Variants in KSR2 observed in about 807,000 individuals in gnomAD.
KSR2 encodes kinase suppressor of ras 2.
In KSR2, 25 loss-of-function variants were observed where a neutral mutation model predicts 107.8. The observed-to-expected ratio is 0.23, with a 90% CI of 0.17 to 0.32. The LOEUF (loss-of-function observed/expected upper bound fraction) is 0.32. Ranked by LOEUF, KSR2 falls within the 10% of genes least tolerant of loss-of-function variation. The probability of loss-of-function intolerance (pLI) is 1.00; values close to 1 mark genes in which losing one functional copy is unlikely to be tolerated. For synonymous variants in KSR2, 480 were observed against 507.0 expected, an observed-to-expected ratio of 0.95 and a Z score of 0.71; for missense variants, 887 against 1,268.9, an observed-to-expected ratio of 0.70 and a Z score of 4.57.
At chr12:117,626,117 G>A (rs140147721) in intron 5 of KSR2, among the ~76,000 whole-genome samples, 16,116 of 151,934 alleles carry the variant, frequency 0.11, 936 homozygotes, top group Admixed American at 0.16. Context: ...AGTCTTGCTA[G>A]CAGTCTATCT....
chr12:117,699,097 C>T (rs775105254), intron 4 of KSR2, among the ~76,000 whole-genome samples: 6 of 152,198 alleles, frequency 3.9e-5, no homozygotes, highest in Non-Finnish European at 7.3e-5. Flanking sequence ...GACATTTTGT[C>T]TATTCATTGG....
At chr12:117,503,527 C>T (rs1873506057) in intron 14 of KSR2, among the ~76,000 whole-genome samples, 1 of 152,164 alleles carries the variant, frequency 6.6e-6, no homozygotes, top group South Asian at 2.1e-4. Flanking sequence ...GATATGCAGA[C>T]CCACTAGATC....
At chr12:117,526,507 G>A (rs894569432) in intron 13 of KSR2, among the ~76,000 whole-genome samples, 16 of 152,244 alleles carry the variant, frequency 1.1e-4, no homozygotes, top group Non-Finnish European at 1.9e-4. Flanking sequence ...GATTTCTCCC[G>A]GGATCATTTT....
At chr12:117,482,078 C>T (rs780167992) in intron 16 of KSR2, among the ~76,000 whole-genome samples, 3 of 152,090 alleles carry the variant, frequency 2.0e-5, no homozygotes, top group Non-Finnish European at 4.4e-5. Flanking sequence ...TAGTTTGCAA[C>T]GCACTTGCTT....
chr12:117,645,318 C>T (rs765298170), intron 5 of KSR2, among the ~76,000 whole-genome samples: 1 of 152,018 alleles, frequency 6.6e-6, no homozygotes, highest in Non-Finnish European at 1.5e-5. Flanking sequence ...GTACATGAAC[C>T]ATCATGTTCA....
chr12:117,685,216 C>A (rs937646877), intron 4 of KSR2, among the ~76,000 whole-genome samples: 3 of 152,224 alleles, frequency 2.0e-5, no homozygotes, highest in African/African-American at 7.2e-5. Context: ...GGCGTCCAGG[C>A]CCGTTGATTT....
intron 10 of KSR2, 76 bp from the exon 11 acceptor site, chr12:117,531,783 A>G (rs1875653859): frequency 9.3e-7 from 1 of 1,075,590 alleles, no homozygotes; most frequent in Non-Finnish European, 1.4e-6. Flanking sequence ...GAGCTCTTAC[A>G]GCCACCACAT....
chr12:117,740,210 T>C (rs1593187974), intron 4 of KSR2, among the ~76,000 whole-genome samples: 1 of 150,770 alleles, frequency 6.6e-6, no homozygotes, highest in African/African-American at 2.4e-5. Context: ...TTACTTTACT[T>C]AGAATAATAG....
At chr12:117,596,719 G>A (rs556537697) in intron 5 of KSR2, among the ~76,000 whole-genome samples, 37 of 152,204 alleles carry the variant, frequency 2.4e-4, no homozygotes, top group African/African-American at 7.9e-4. Flanking sequence ...ATGCCCCACT[G>A]GGTTTATGAA....
At chr12:117,567,479 G>C (rs879276487) in intron 7 of KSR2, among the ~76,000 whole-genome samples, 2 of 152,024 alleles carry the variant, frequency 1.3e-5, no homozygotes, top group Non-Finnish European at 2.9e-5. Flanking sequence ...GAGCAAGGGG[G>C]AGCTAATGAA....
intron 14 of KSR2, among the ~76,000 whole-genome samples, chr12:117,487,011 C>G (rs1195944622): frequency 6.6e-6 from 1 of 151,350 alleles, no homozygotes; most frequent in Admixed American, 6.6e-5. Flanking sequence ...ATTAACCTCT[C>G]TGAGCTTCAG....
At chr12:117,788,648 C>T (rs141997573) in intron 3 of KSR2, among the ~76,000 whole-genome samples, 1,784 of 152,186 alleles carry the variant, frequency 0.012, 42 homozygotes, top group African/African-American at 0.041. Flanking sequence ...ATTACAGGTG[C>T]GTATGACCAC....
chr12:117,557,751 G>A (rs1042238906), intron 8 of KSR2, among the ~76,000 whole-genome samples: 2 of 152,124 alleles, frequency 1.3e-5, no homozygotes, highest in Non-Finnish European at 2.9e-5. Flanking sequence ...CTGTATTGGG[G>A]AGCACATGTC....
chr12:117,729,492 C>T (rs1453409273), intron 4 of KSR2, among the ~76,000 whole-genome samples: 2 of 152,154 alleles, frequency 1.3e-5, no homozygotes, highest in Non-Finnish European at 2.9e-5. Context: ...CTCTGCCTGG[C>T]AGGATGAGGG....
chr12:117,503,160 A>T (rs1475179917), intron 14 of KSR2, among the ~76,000 whole-genome samples: 1 of 152,188 alleles, frequency 6.6e-6, no homozygotes, highest in Non-Finnish European at 1.5e-5. Flanking sequence ...ATTTGAAGTC[A>T]AAGCCAGGTT....
intron 5 of KSR2, among the ~76,000 whole-genome samples, chr12:117,592,272 A>C (rs1880369136): frequency 2.0e-5 from 3 of 151,592 alleles, no homozygotes; most frequent in Admixed American, 2.0e-4. Flanking sequence ...CACAACCACG[A>C]CTGGCTAATT....
chr12:117,555,549 C>T (rs1174517225), intron 8 of KSR2, among the ~76,000 whole-genome samples: 1 of 152,174 alleles, frequency 6.6e-6, no homozygotes, highest in Non-Finnish European at 1.5e-5. Flanking sequence ...TTTAAAAGTA[C>T]CACAATTGTT....
At chr12:117,623,044 C>A (rs1191706190) in intron 5 of KSR2, among the ~76,000 whole-genome samples, 1 of 152,218 alleles carries the variant, frequency 6.6e-6, no homozygotes, top group African/African-American at 2.4e-5. Flanking sequence ...CTGCCAGCTG[C>A]TGGTATGAGG....
intron 13 of KSR2, 124 bp from the exon 14 acceptor site, chr12:117,525,343 G>A (rs1875053850): frequency 1.8e-6 from 2 of 1,098,866 alleles, no homozygotes; most frequent in Non-Finnish European, 2.5e-6. Flanking sequence ...TTTGGAGCTT[G>A]TGCAGACATA....
Sources: allele counts gnomAD v4.1 joint callset (sites outside exome capture counted in the v4.1 genomes callset), GRCh38; gene constraint gnomAD v4.1.1; transcripts MANE v1.5; gene names NCBI Gene and HGNC (gene_info 2026-07-23, HGNC 2026-07-21).